The following CCDC158 variants were observed in gnomAD, a reference collection of about 807,000 sequenced individuals.
The protein encoded by CCDC158 is coiled-coil domain containing 158, also known as coiled-coil domain-containing protein 158.
In CCDC158, 116 loss-of-function variants were observed where a neutral mutation model predicts 138.6. The ratio of observed to expected loss-of-function variants is 0.84; its 90% CI spans 0.72 to 0.98. The LOEUF is 0.98. Among genes scored for constraint, CCDC158 ranks in the 50% least tolerant of loss-of-function variants. The pLI, the probability that CCDC158 is intolerant of heterozygous loss-of-function variation, is 0.00. For missense variants in CCDC158, 1,265 were observed against 1,306.1 expected (o/e 0.97, Z 0.48); for synonymous variants, 436 against 442.4 (o/e 0.99, Z 0.18).
At chr4:76,419,172 C>T (rs1013832520) in intron 1 of CCDC158, among the ~76,000 whole-genome samples, 2 of 152,146 alleles carry the variant, frequency 1.3e-5, no homozygotes, top group Non-Finnish European at 2.9e-5. Flanking sequence ...TAAAAAATTG[C>T]TTTAAATGCC....
intron 13 of CCDC158, among the ~76,000 whole-genome samples, chr4:76,361,070 T>C (rs1578971163): frequency 6.6e-6 from 1 of 152,168 alleles, no homozygotes; most frequent in Non-Finnish European, 1.5e-5. Flanking sequence ...TGAGTTCTCA[T>C]GCGATCTGGT....
At chr4:76,342,357 T>A (rs1457325572) in intron 18 of CCDC158, among the ~76,000 whole-genome samples, 1 of 152,194 alleles carries the variant, frequency 6.6e-6, no homozygotes, top group Non-Finnish European at 1.5e-5. Context: ...GTCTTTTTGC[T>A]GTGTAAACCA....
intron 15 of CCDC158, among the ~76,000 whole-genome samples, chr4:76,354,946 C>T (rs1025632128): frequency 6.6e-6 from 1 of 152,180 alleles, no homozygotes; most frequent in Non-Finnish European, 1.5e-5. Flanking sequence ...TTATGTGTCA[C>T]TAATAAAATT....
At chr4:76,377,551 C>T (rs62303262) in intron 9 of CCDC158, among the ~76,000 whole-genome samples, 6,795 of 152,178 alleles carry the variant, frequency 0.045, 214 homozygotes, top group Middle Eastern at 0.088. Context: ...CTGCAGGGTG[C>T]GGTCATGACC....
chr4:76,345,277 A>G, intron 18 of CCDC158: 1 of 955,416 alleles, frequency 1.0e-6, no homozygotes. Context: ...TACATGCTCA[A>G]CATCGAAGCT....
chr4:76,380,995 A>C (rs570153334), intron 8 of CCDC158, among the ~76,000 whole-genome samples: 1 of 152,354 alleles, frequency 6.6e-6, no homozygotes, highest in South Asian at 2.1e-4. Flanking sequence ...GGAGGTGTAC[A>C]GAAAGCAAGA....
chr4:76,368,749 C>G (rs1180803041), intron 11 of CCDC158, among the ~76,000 whole-genome samples: 3 of 152,146 alleles, frequency 2.0e-5, no homozygotes, highest in African/African-American at 7.2e-5. Flanking sequence ...TGTTAGAAAC[C>G]TTCAACCCTG....
chr4:76,334,135 A>G lies in CCDC158; in HGVS notation c.2697T>C (p.Asp899=), dbSNP rs370220929. ...GAAGCTGTTTCAGGTCCCTTGTTGG[A>G]TCTTCCTTCAGTGTGTTAGCTTTTG... ...HSTKANTLKE[D]PTRDLKQLLQ... The change falls in exon 19 of 25, where the codon GAT becomes GAC. Residue 899 remains aspartate (D), a synonymous_variant. Transcript: ENST00000682701. 2 of 1,613,150 alleles carry G rather than the reference A, an allele frequency of 1.2e-6. No individual in the cohort carries two copies. The highest frequency in any genetic ancestry group is 1.3e-5 in the African/African-American group (1 of 75,046).
intron 9 of CCDC158, among the ~76,000 whole-genome samples, chr4:76,377,213 A>C (rs974257884): frequency 4.6e-5 from 7 of 152,172 alleles, no homozygotes; most frequent in African/African-American, 1.7e-4. Flanking sequence ...TGAAAGGATA[A>C]TTTTTCCAAA....
chr4:76,375,501 C>G, intron 9 of CCDC158: 1 of 694,996 alleles, frequency 1.4e-6, no homozygotes, highest in Non-Finnish European at 2.6e-6. Flanking sequence ...TATATAGCTC[C>G]AGCCAGTGCT....
At chr4:76,399,479 A>G (rs1728142844) in intron 3 of CCDC158, among the ~76,000 whole-genome samples, 1 of 152,188 alleles carries the variant, frequency 6.6e-6, no homozygotes. Flanking sequence ...ATTAAATTAA[A>G]TTTAAAAATA....
At chr4:76,420,266 A>T (rs1164370275) in intron 1 of CCDC158, among the ~76,000 whole-genome samples, 2 of 152,028 alleles carry the variant, frequency 1.3e-5, no homozygotes, top group Non-Finnish European at 2.9e-5. Context: ...CCCCCGCCAT[A>T]CCCGGCCACA....
At chr4:76,321,607 T>A (rs1283141199) in intron 24 of CCDC158, among the ~76,000 whole-genome samples, 1 of 146,716 alleles carries the variant, frequency 6.8e-6, no homozygotes, top group Non-Finnish European at 1.5e-5. Context: ...TATAATATAT[T>A]ATATATATAT....
chr4:76,420,133 G>C (rs982300691), intron 1 of CCDC158, among the ~76,000 whole-genome samples: 1 of 151,882 alleles, frequency 6.6e-6, no homozygotes, highest in Non-Finnish European at 1.5e-5. Context: ...GCAGTACAGA[G>C]ATAGGAGGAC....
intron 18 of CCDC158, chr4:76,344,882 G>A (rs1285612624): frequency 6.4e-7 from 1 of 1,563,808 alleles, no homozygotes; most frequent in Non-Finnish European, 8.8e-7. Context: ...AACAAGAACT[G>A]GAAGCCTAAG....
chr4:76,344,814 A>G, intron 18 of CCDC158: 1 of 1,603,002 alleles, frequency 6.2e-7, no homozygotes, highest in Non-Finnish European at 8.5e-7. Context: ...TCGAGAGAAG[A>G]TGCAGAAACC....
intron 2 of CCDC158, among the ~76,000 whole-genome samples, 181 bp downstream of exon 2, chr4:76,411,909 A>G (rs1284345057): frequency 6.6e-6 from 1 of 152,230 alleles, no homozygotes; most frequent in Non-Finnish European, 1.5e-5. Context: ...CCACAAAGAT[A>G]AAGCTCTTGC....
At chr4:76,408,515 C>T (rs1023181706) in intron 2 of CCDC158, among the ~76,000 whole-genome samples, 3 of 152,174 alleles carry the variant, frequency 2.0e-5, no homozygotes, top group African/African-American at 7.2e-5. Context: ...AGGGCATGAA[C>T]TCATCATTTT....
chr4:76,398,567 T>G (rs906278718), intron 3 of CCDC158, among the ~76,000 whole-genome samples: 4 of 149,762 alleles, frequency 2.7e-5, no homozygotes, highest in Non-Finnish European at 5.9e-5. Context: ...CTTGGGAGAC[T>G]GAGGCATGAG....
Sources: gnomAD v4.1 joint callset for allele counts (sites outside exome capture counted in the v4.1 genomes callset) on GRCh38, gnomAD v4.1.1 for gene constraint, MANE v1.5 for transcripts, NCBI Gene and HGNC (gene_info 2026-07-23, HGNC 2026-07-21) for gene names.